The following PTPRR variants were observed in gnomAD, a reference collection of about 807,000 sequenced individuals.
The protein encoded by PTPRR is protein tyrosine phosphatase receptor type R.
In PTPRR, 38 loss-of-function variants were observed where a neutral mutation model predicts 77.2. The ratio of observed to expected loss-of-function variants is 0.49; its 90% confidence interval spans 0.38 to 0.65. The LOEUF is 0.65. Among genes scored for constraint, PTPRR ranks in the 30% least tolerant of loss-of-function variants. PTPRR has a pLI of 0.00. For synonymous variants in PTPRR, 299 were observed against 283.1 expected, an observed-to-expected ratio of 1.06 and a Z score of -0.57; for missense variants, 744 against 799.2, an observed-to-expected ratio of 0.93 and a Z score of 0.83.
At chr12:70,672,438 G>A (rs1887267451) in intron 10 of PTPRR, 1 of 1,091,516 alleles carries the variant, frequency 9.2e-7, no homozygotes, top group Non-Finnish European at 1.4e-6. Context: ...AGCACATCAA[G>A]GCCACAGATG....
chr12:70,879,490 C>A (rs780635139), intron 2 of PTPRR, among the ~76,000 whole-genome samples: 1 of 152,006 alleles, frequency 6.6e-6, no homozygotes. Flanking sequence ...CACATGAACC[C>A]GTCATGTCTA....
rs550805249 is a variant in PTPRR at position 70,788,212 on chromosome 12, T to C, written c.358-23434A>G. 8.3e-4 allele frequency among the ~76,000 whole-genome samples: 127 copies of C among 152,244 alleles called. 2 individuals carry two copies. The South Asian group carries it at 0.026, about 31-fold the overall frequency. ...ACTGATAAAAAACAACAAAGCTGAG[T>C]TCCCCAGCTGGGAATTTAGCTGATG... On this transcript the variant is annotated intron_variant, in intron 2 of 13. Transcript: ENST00000283228.
chr12:70,791,594 G>A (rs532725917), intron 2 of PTPRR, among the ~76,000 whole-genome samples: 25 of 152,200 alleles, frequency 1.6e-4, no homozygotes, highest in African/African-American at 5.8e-4. Context: ...GCTTACTGAT[G>A]ATCCACAGAG....
At chr12:70,775,243 A>G (rs1307220873) in intron 2 of PTPRR, among the ~76,000 whole-genome samples, 1 of 152,192 alleles carries the variant, frequency 6.6e-6, no homozygotes, top group Non-Finnish European at 1.5e-5. Flanking sequence ...ACCTATATTT[A>G]AATATACCAG....
intron 10 of PTPRR, among the ~76,000 whole-genome samples, chr12:70,669,908 G>A (rs1157524885): frequency 3.9e-5 from 6 of 152,088 alleles, no homozygotes; most frequent in African/African-American, 1.4e-4. Flanking sequence ...TCCCCCTTGG[G>A]CACCTACTCA....
At chr12:70,758,895 T>C (rs1178331398) in intron 4 of PTPRR, among the ~76,000 whole-genome samples, 1 of 152,178 alleles carries the variant, frequency 6.6e-6, no homozygotes, top group African/African-American at 2.4e-5. Flanking sequence ...TTTTTCTGGC[T>C]TTAGATATTA....
chr12:70,857,610 G>A (rs1892675404), intron 2 of PTPRR, among the ~76,000 whole-genome samples: 2 of 152,058 alleles, frequency 1.3e-5, no homozygotes, highest in Admixed American at 6.6e-5. Flanking sequence ...AGTGATGGTA[G>A]AACAAGAAAA....
intron 2 of PTPRR, among the ~76,000 whole-genome samples, chr12:70,887,420 G>A (rs896121405): frequency 6.6e-6 from 1 of 151,094 alleles, no homozygotes; most frequent in Non-Finnish European, 1.5e-5. Flanking sequence ...CCACTGCACC[G>A]TGGCCTGGGC....
At chr12:70,775,104 G>A (rs1891061217) in intron 2 of PTPRR, among the ~76,000 whole-genome samples, 1 of 152,086 alleles carries the variant, frequency 6.6e-6, no homozygotes, top group Non-Finnish European at 1.5e-5. Context: ...AAATGCAAAT[G>A]GTAAGCCACT....
chr12:70,693,234 T>C (rs1190867288), intron 8 of PTPRR, among the ~76,000 whole-genome samples: 1 of 152,234 alleles, frequency 6.6e-6, no homozygotes. Flanking sequence ...TAAATTATGT[T>C]GGTAATTAGT....
At chr12:70,720,608 T>A (rs1889215246) in intron 6 of PTPRR, among the ~76,000 whole-genome samples, 2 of 149,970 alleles carry the variant, frequency 1.3e-5, no homozygotes, top group African/African-American at 4.9e-5. Context: ...AACTCCCGGG[T>A]TCAAGCGATT....
At chr12:70,645,190 T>C (rs1886152024) in intron 13 of PTPRR, among the ~76,000 whole-genome samples, 1 of 152,210 alleles carries the variant, frequency 6.6e-6, no homozygotes, top group South Asian at 2.1e-4. Flanking sequence ...GTGTTTTTTA[T>C]TGGTTTTCTG....
At chr12:70,754,602 G>A in intron 4 of PTPRR, 6 of 1,597,948 alleles carry the variant, frequency 3.8e-6, no homozygotes, top group Non-Finnish European at 5.1e-6. Flanking sequence ...ATAGGTAAGA[G>A]AGTTCTGTTC....
At chr12:70,771,494 G>A (rs1890976310) in intron 2 of PTPRR, among the ~76,000 whole-genome samples, 1 of 152,078 alleles carries the variant, frequency 6.6e-6, no homozygotes, top group African/African-American at 2.4e-5. Context: ...TCAGTGTTAT[G>A]ATCCAGTGTT....
chr12:70,811,476 T>A (rs975736511), intron 2 of PTPRR, among the ~76,000 whole-genome samples: 1 of 152,198 alleles, frequency 6.6e-6, no homozygotes, highest in Admixed American at 6.5e-5. Flanking sequence ...AAGCAAATGC[T>A]ATAGCTCTTA....
chr12:70,780,032 G>C (rs1401382686), intron 2 of PTPRR, among the ~76,000 whole-genome samples: 1 of 150,916 alleles, frequency 6.6e-6, no homozygotes, highest in Admixed American at 6.6e-5. Context: ...TCGCTCTGTT[G>C]CCAGGCTGAA....
intron 2 of PTPRR, among the ~76,000 whole-genome samples, chr12:70,839,474 CT>C (rs1892359644): frequency 6.6e-6 from 1 of 152,196 alleles, no homozygotes; most frequent in African/African-American, 2.4e-5. Flanking sequence ...GCAGCATATG[CT>C]TCATTTGTGA....
intron 2 of PTPRR, among the ~76,000 whole-genome samples, chr12:70,813,051 A>G (rs1471110978): frequency 2.6e-5 from 4 of 152,252 alleles, no homozygotes; most frequent in Non-Finnish European, 5.9e-5. Context: ...GATTGTCTCA[A>G]AATCATGACT....
chr12:70,639,418 A>C (rs1425315813), intron 13 of PTPRR, 141 bp from the exon 14 acceptor site: 1 of 1,375,606 alleles, frequency 7.3e-7, no homozygotes, highest in African/African-American at 1.5e-5. Context: ...TATCCCTCTT[A>C]CCTGTGTCCA....
Sources: allele counts gnomAD v4.1 joint callset (sites outside exome capture counted in the v4.1 genomes callset), GRCh38; gene constraint gnomAD v4.1.1; transcripts MANE v1.5; gene names NCBI Gene and HGNC (gene_info 2026-07-23, HGNC 2026-07-21).